Variants in WWOX observed in about 807,000 individuals in gnomAD.
WWOX encodes the protein WW domain containing oxidoreductase.
In WWOX, 69 loss-of-function variants were observed where a neutral mutation model predicts 46.2. The observed-to-expected ratio is 1.49, with a 90% CI of 1.23 to 1.82. WWOX has a LOEUF of 1.82. Ranked by LOEUF, WWOX falls within the 40% of genes most tolerant of loss-of-function variation. The probability of loss-of-function intolerance (pLI) is 0.00; values close to 1 mark genes in which losing one functional copy is unlikely to be tolerated. For missense variants in WWOX, 919 were observed against 542.6 expected (o/e 1.69, Z -6.89); for synonymous variants, 359 against 202.6 (o/e 1.77, Z -6.56).
intron 5 of WWOX, among the ~76,000 whole-genome samples, chr16:78,299,315 C>T (rs2079999506): frequency 6.6e-6 from 1 of 152,088 alleles, no homozygotes; most frequent in South Asian, 2.1e-4. Flanking sequence ...CACTTCTCAC[C>T]TTCAGAGTCT....
intron 8 of WWOX, among the ~76,000 whole-genome samples, chr16:78,880,449 A>G (rs1327667738): frequency 6.6e-6 from 1 of 152,244 alleles, no homozygotes; most frequent in Admixed American, 6.5e-5. Flanking sequence ...ACGAAAGTAT[A>G]TAGCTGCTTT....
chr16:78,963,064 G>A (rs1215569879), intron 8 of WWOX, among the ~76,000 whole-genome samples: 2 of 152,040 alleles, frequency 1.3e-5, no homozygotes, highest in Admixed American at 1.3e-4. Flanking sequence ...TGTACTGTAA[G>A]TACTCTGATA....
At chr16:78,160,177 T>C (rs1053495593) in intron 4 of WWOX, among the ~76,000 whole-genome samples, 1 of 147,108 alleles carries the variant, frequency 6.8e-6, no homozygotes, top group Non-Finnish European at 1.5e-5. Context: ...TAGATCATCA[T>C]TTTTTCTTTC....
chr16:78,746,938 G>T (rs1026187286), intron 8 of WWOX, among the ~76,000 whole-genome samples: 1 of 152,034 alleles, frequency 6.6e-6, no homozygotes, highest in African/African-American at 2.4e-5. Flanking sequence ...ATCCCTAGTG[G>T]CTTCCTATAC....
At chr16:78,884,517 T>A (rs887554029) in intron 8 of WWOX, among the ~76,000 whole-genome samples, 23 of 152,076 alleles carry the variant, frequency 1.5e-4, no homozygotes, top group Non-Finnish European at 2.9e-4. Context: ...CCAACAAGAA[T>A]GAATGACTTA....
chr16:78,359,492 C>T (rs576753190), intron 5 of WWOX, among the ~76,000 whole-genome samples: 95 of 152,114 alleles, frequency 6.2e-4, no homozygotes, highest in African/African-American at 2.0e-3. Context: ...CTTAAGAAAT[C>T]GTTGAAACAC....
chr16:78,405,596 C>G (rs955692465), intron 6 of WWOX, among the ~76,000 whole-genome samples: 1 of 152,166 alleles, frequency 6.6e-6, no homozygotes, highest in African/African-American at 2.4e-5. Flanking sequence ...ACATAAGTAT[C>G]TTATAAATGT....
At chr16:79,132,737 C>T (rs1268341852) in intron 8 of WWOX, among the ~76,000 whole-genome samples, 1 of 152,168 alleles carries the variant, frequency 6.6e-6, no homozygotes, top group Admixed American at 6.5e-5. Flanking sequence ...AAAAGTTAAG[C>T]ACACTCAAGC....
At chr16:79,192,304 C>T (rs1597462021) in intron 8 of WWOX, among the ~76,000 whole-genome samples, 1 of 8,422 alleles carries the variant, frequency 1.2e-4, no homozygotes, top group South Asian at 1.7e-3. Context: ...CGCAGTGATT[C>T]ATTCATTCAT....
chr16:78,926,516 C>T (rs1318903033), intron 8 of WWOX, among the ~76,000 whole-genome samples: 1 of 152,150 alleles, frequency 6.6e-6, no homozygotes, highest in Non-Finnish European at 1.5e-5. Flanking sequence ...AGCAGGATGG[C>T]GAAGTCGCAG....
At chr16:78,829,864 G>A (rs1400210299) in intron 8 of WWOX, among the ~76,000 whole-genome samples, 1 of 152,162 alleles carries the variant, frequency 6.6e-6, no homozygotes, top group African/African-American at 2.4e-5. Context: ...TTATTAATGA[G>A]AAAAGCTGTT....
chr16:78,849,167 C>A (rs1292764348), intron 8 of WWOX, among the ~76,000 whole-genome samples: 18 of 152,168 alleles, frequency 1.2e-4, no homozygotes, highest in Admixed American at 1.3e-4. Flanking sequence ...GGCCACTGTT[C>A]TGCCCAAACA....
At chr16:78,967,750 G>A (rs2046389979) in intron 8 of WWOX, among the ~76,000 whole-genome samples, 2 of 152,298 alleles carry the variant, frequency 1.3e-5, no homozygotes, top group South Asian at 4.1e-4. Context: ...GGAGGACTCA[G>A]AAGCTGGAGA....
chr16:78,654,533 CT>C (rs1489909850), intron 8 of WWOX, among the ~76,000 whole-genome samples: 6 of 152,166 alleles, frequency 3.9e-5, no homozygotes, highest in Admixed American at 3.9e-4. Context: ...AAACTGAGCT[CT>C]TTGGAGAAGA....
intron 8 of WWOX, among the ~76,000 whole-genome samples, chr16:79,163,627 C>T (rs900278080): frequency 6.6e-6 from 1 of 151,940 alleles, no homozygotes; most frequent in Non-Finnish European, 1.5e-5. Context: ...GGAGAAACGC[C>T]ATCTCTACTA....
rs534195676 is a variant in WWOX at position 78,833,735 on chromosome 16, G to C, written c.1057-377873G>C. Among the ~76,000 whole-genome samples the C allele has an allele frequency of 3.0e-4, 46 of 152,340 alleles. No individual in the cohort carries two copies. In the South Asian group the frequency reaches 9.3e-3, roughly 31 times the overall value. On this transcript the variant is annotated intron_variant, in intron 8 of 8. Coordinates refer to ENST00000566780, the MANE Select transcript of WWOX (RefSeq NM_016373.4). ...TTACCTCAGCATCCTCTGTGAAACTGGGTATGACTACACCCATTTTGCTGA... is the reference window on the plus strand; with the variant it reads ...TTACCTCAGCATCCTCTGTGAAACTCGGTATGACTACACCCATTTTGCTGA...
intron 5 of WWOX, among the ~76,000 whole-genome samples, chr16:78,208,047 A>G (rs534445812): frequency 1.3e-5 from 2 of 152,294 alleles, no homozygotes; most frequent in African/African-American, 2.4e-5. Context: ...TCCTGACCTC[A>G]GGTCATCCGC....
intron 8 of WWOX, among the ~76,000 whole-genome samples, chr16:78,923,481 C>G (rs954203429): frequency 6.6e-6 from 1 of 151,910 alleles, no homozygotes; most frequent in Admixed American, 6.6e-5. Flanking sequence ...TTGTTTTGTT[C>G]TTTCTTGGGA....
At chr16:78,268,169 G>A (rs2079407222) in intron 5 of WWOX, among the ~76,000 whole-genome samples, 1 of 152,096 alleles carries the variant, frequency 6.6e-6, no homozygotes, top group Admixed American at 6.5e-5. Flanking sequence ...GTGGGACCAA[G>A]GCTGGAAGTA....
Sources: gnomAD v4.1 joint callset for allele counts (sites outside exome capture counted in the v4.1 genomes callset) on GRCh38, gnomAD v4.1.1 for gene constraint, MANE v1.5 for transcripts, NCBI Gene and HGNC (gene_info 2026-07-23, HGNC 2026-07-21) for gene names.